The following COX10 variants were observed in gnomAD, a reference collection of about 807,000 sequenced individuals.
COX10 encodes the protein protoheme IX farnesyltransferase, mitochondrial.
In COX10, 27 loss-of-function variants were observed where a neutral mutation model predicts 37.3. The observed-to-expected ratio is 0.72, with a 90% CI of 0.53 to 1.00. The LOEUF (loss-of-function observed/expected upper bound fraction) is 1.00, where lower values mean the gene tolerates loss of function less well. Among genes scored for constraint, COX10 ranks in the 50% least tolerant of loss-of-function variants. The pLI is 0.00. For missense variants in COX10, 475 were observed against 563.2 expected (o/e 0.84, Z 1.59); for synonymous variants, 222 against 229.1 (o/e 0.97, Z 0.28).
At chr17:14,113,259 A>G (rs541804168) in intron 4 of COX10, among the ~76,000 whole-genome samples, 3 of 152,044 alleles carry the variant, frequency 2.0e-5, no homozygotes, top group Non-Finnish European at 4.4e-5. Context: ...AGCACCAAAA[A>G]TCAGCCCATG....
At position 14,107,385 on chromosome 17, in the gene COX10, T is replaced by C. The variant is rs1011956737; in HGVS notation, c.624+5143T>C. On this transcript the variant is annotated intron_variant, in intron 4 of 6. Coordinates refer to ENST00000261643, the MANE Select transcript of COX10 (RefSeq NM_001303.4). ...ATGGCGTAATTACTATGAATGCCTC[T>C]TTTACTTTCAAGTGTCCTAGTTTGG... 5.3e-5 allele frequency among the ~76,000 whole-genome samples: 8 copies of C among 152,334 alleles called. No homozygotes were observed. In the South Asian group the frequency reaches 1.7e-3, roughly 32 times the overall value.
intron 6 of COX10, among the ~76,000 whole-genome samples, chr17:14,192,508 C>G (rs1037506109): frequency 1.3e-5 from 2 of 152,156 alleles, no homozygotes; most frequent in Admixed American, 1.3e-4. Flanking sequence ...AAGAAAGTAC[C>G]TGAAGCTATG....
chr17:14,163,857 C>T (rs1169903362), intron 5 of COX10, among the ~76,000 whole-genome samples: 3 of 151,458 alleles, frequency 2.0e-5, no homozygotes, highest in Admixed American at 6.6e-5. Flanking sequence ...CAGTTTTTTT[C>T]ACAATTTTAA....
chr17:14,083,294 CT>C (rs1334495495), intron 3 of COX10, among the ~76,000 whole-genome samples: 1 of 152,180 alleles, frequency 6.6e-6, no homozygotes, highest in Non-Finnish European at 1.5e-5. Context: ...TTTATCTGAC[CT>C]TTTACCTCTC....
At chr17:14,194,491 A>G (rs1488879163) in intron 6 of COX10, among the ~76,000 whole-genome samples, 1 of 152,114 alleles carries the variant, frequency 6.6e-6, no homozygotes, top group African/African-American at 2.4e-5. Flanking sequence ...CAGTGGTGCG[A>G]TCTCGGCTCA....
chr17:14,162,622 CTTT>C (rs57058201), intron 5 of COX10, among the ~76,000 whole-genome samples: 15 of 145,264 alleles, frequency 1.0e-4, no homozygotes, highest in Non-Finnish European at 9.1e-5. Context: ...ACTATCCCTG[CTTT>C]TTTTTTTTTT....
chr17:14,159,238 T>C (rs1023877073), intron 4 of COX10, among the ~76,000 whole-genome samples: 10 of 152,210 alleles, frequency 6.6e-5, no homozygotes, highest in Non-Finnish European at 1.2e-4. Flanking sequence ...ATCTGAGATC[T>C]CTGAGATCTT....
chr17:14,147,687 C>T (rs1379587214), intron 4 of COX10, among the ~76,000 whole-genome samples: 1 of 148,394 alleles, frequency 6.7e-6, no homozygotes, highest in African/African-American at 2.6e-5. Context: ...GGGATGGATA[C>T]CCCATTTTCC....
intron 5 of COX10, among the ~76,000 whole-genome samples, chr17:14,170,459 A>G (rs1162808834): frequency 1.3e-5 from 2 of 152,294 alleles, no homozygotes; most frequent in Middle Eastern, 3.4e-3. Flanking sequence ...GACTCTAAGC[A>G]TGACAAGTCA....
At chr17:14,133,665 G>A (rs545834408) in intron 4 of COX10, among the ~76,000 whole-genome samples, 1 of 151,548 alleles carries the variant, frequency 6.6e-6, no homozygotes, top group Admixed American at 6.6e-5. Context: ...ACTATGAAAT[G>A]GCACTACATG....
chr17:14,161,138 C>G (rs560845732), intron 5 of COX10, among the ~76,000 whole-genome samples: 44 of 152,294 alleles, frequency 2.9e-4, no homozygotes, highest in African/African-American at 1.0e-3. Context: ...AACAGCCCAT[C>G]TTACTTTGTC....
chr17:14,109,610 A>T (rs1270226337), intron 4 of COX10, among the ~76,000 whole-genome samples: 1 of 152,160 alleles, frequency 6.6e-6, no homozygotes. Flanking sequence ...ACGTGTTTGA[A>T]AGTGGTCAAA....
chr17:14,146,609 C>G (rs1904727856), intron 4 of COX10, among the ~76,000 whole-genome samples: 1 of 152,096 alleles, frequency 6.6e-6, no homozygotes, highest in Non-Finnish European at 1.5e-5. Context: ...ACCCCACAAA[C>G]ACAGGCAACC....
intron 3 of COX10, among the ~76,000 whole-genome samples, chr17:14,080,018 C>T (rs1915251100): frequency 6.6e-6 from 1 of 151,996 alleles, no homozygotes; most frequent in South Asian, 2.1e-4. Context: ...TGTGATATTT[C>T]CAGATTTTTT....
intron 4 of COX10, among the ~76,000 whole-genome samples, chr17:14,118,684 T>C (rs900968214): frequency 1.3e-5 from 2 of 152,140 alleles, no homozygotes; most frequent in Admixed American, 6.5e-5. Flanking sequence ...GCATAAAAAT[T>C]TTATAAAATG....
intron 3 of COX10, among the ~76,000 whole-genome samples, chr17:14,088,863 G>A (rs539173413): frequency 2.2e-4 from 33 of 152,190 alleles, no homozygotes; most frequent in Admixed American, 3.3e-4. Context: ...CTTCCATACC[G>A]TCATCATCAT....
chr17:14,080,787 T>C (rs1369828449), intron 3 of COX10, among the ~76,000 whole-genome samples: 3 of 152,202 alleles, frequency 2.0e-5, no homozygotes, highest in Non-Finnish European at 4.4e-5. Flanking sequence ...TTTTTTCTCA[T>C]TTTGTCCTTT....
intron 1 of COX10, among the ~76,000 whole-genome samples, chr17:14,073,105 T>A (rs1402408366): frequency 6.6e-6 from 1 of 152,158 alleles, no homozygotes; most frequent in African/African-American, 2.4e-5. Context: ...GTGGGTTGTG[T>A]GAGTAATATG....
intron 6 of COX10, among the ~76,000 whole-genome samples, chr17:14,200,439 C>G (rs1906512906): frequency 6.6e-6 from 1 of 152,166 alleles, no homozygotes. Context: ...GAGCCTTGCC[C>G]CACCTAATAC....
Sources: allele counts gnomAD v4.1 joint callset (sites outside exome capture counted in the v4.1 genomes callset), GRCh38; gene constraint gnomAD v4.1.1; transcripts MANE v1.5; gene names NCBI Gene and HGNC (gene_info 2026-07-23, HGNC 2026-07-21).